The following ZNF385D variants were observed in gnomAD, a reference collection of about 807,000 sequenced individuals.
The protein encoded by ZNF385D is zinc finger protein 659.
ZNF385D carries 15 observed loss-of-function variants against 35.8 expected under a neutral mutation model. The observed-to-expected ratio is 0.42, with a 90% CI of 0.28 to 0.64. The LOEUF is 0.64. Among genes scored for constraint, ZNF385D ranks in the 30% least tolerant of loss-of-function variants. The probability of loss-of-function intolerance (pLI) is 0.23; values close to 1 mark genes in which losing one functional copy is unlikely to be tolerated. For missense variants in ZNF385D, 474 were observed against 494.6 expected, an observed-to-expected ratio of 0.96 and a Z score of 0.39; for synonymous variants, 212 against 186.8, an observed-to-expected ratio of 1.13 and a Z score of -1.10.
At chr3:21,928,739 A>C (rs1260998451) in intron 3 of ZNF385D, among the ~76,000 whole-genome samples, 1 of 152,190 alleles carries the variant, frequency 6.6e-6, no homozygotes, top group Non-Finnish European at 1.5e-5. Flanking sequence ...CATTTAGATA[A>C]AATGGACATA....
At chr3:21,702,218 C>T (rs7612616) in intron 1 of ZNF385D, among the ~76,000 whole-genome samples, 60,291 of 152,076 alleles carry the variant, frequency 0.4, 13,407 homozygotes, top group Middle Eastern at 0.53. Flanking sequence ...GAAATCTAGC[C>T]GGATTCCCAA....
At chr3:21,753,886 C>A (rs571127688), upstream of ZNF385D, among the ~76,000 whole-genome samples, 4 of 152,108 alleles carry the variant, frequency 2.6e-5, no homozygotes, top group Admixed American at 2.6e-4. Flanking sequence ...ATTCCTGTTT[C>A]TATAGAGTTT....
chr3:22,316,822 G>C (rs1703913921), intron 2 of ZNF385D, among the ~76,000 whole-genome samples: 1 of 152,194 alleles, frequency 6.6e-6, no homozygotes, highest in Non-Finnish European at 1.5e-5. Flanking sequence ...TTCAGAAAGT[G>C]ATACCCCAAA....
chr3:21,432,091 A>G (rs1701317779), intron 5 of ZNF385D, among the ~76,000 whole-genome samples: 1 of 152,134 alleles, frequency 6.6e-6, no homozygotes, highest in South Asian at 2.1e-4. Context: ...AGGCTCTAGA[A>G]TTGTGCGGGA....
chr3:22,005,990 C>A (rs1344953168), intron 3 of ZNF385D, among the ~76,000 whole-genome samples: 4 of 152,038 alleles, frequency 2.6e-5, no homozygotes, highest in African/African-American at 9.7e-5. Context: ...CTCTCTCTCA[C>A]TCTTGAATGT....
chr3:21,432,670 G>C (rs540031230), intron 5 of ZNF385D, among the ~76,000 whole-genome samples: 1 of 151,910 alleles, frequency 6.6e-6, no homozygotes, highest in African/African-American at 2.4e-5. Flanking sequence ...TAGCATATAG[G>C]TCAAGGGAAG....
At chr3:21,812,765 G>T (rs1192363183) in intron 3 of ZNF385D, among the ~76,000 whole-genome samples, 1 of 152,330 alleles carries the variant, frequency 6.6e-6, no homozygotes, top group East Asian at 1.9e-4. Context: ...CTCCACCTCT[G>T]GGGGCAGGGA....
chr3:22,367,118 T>C (rs1470610747), intron 2 of ZNF385D, among the ~76,000 whole-genome samples: 1 of 152,190 alleles, frequency 6.6e-6, no homozygotes, highest in Non-Finnish European at 1.5e-5. Context: ...AGAAAACTAA[T>C]ATATGATGAT....
chr3:21,847,651 T>G (rs1027545312), intron 3 of ZNF385D, among the ~76,000 whole-genome samples: 1 of 151,966 alleles, frequency 6.6e-6, no homozygotes, highest in Non-Finnish European at 1.5e-5. Flanking sequence ...TTGAGAAATT[T>G]TTTATATCCT....
chr3:21,926,664 G>T (rs563693272), intron 3 of ZNF385D, among the ~76,000 whole-genome samples: 1 of 152,228 alleles, frequency 6.6e-6, no homozygotes, highest in Admixed American at 6.5e-5. Flanking sequence ...ATGGATTAAA[G>T]ACTTAAATGT....
chr3:21,757,932 T>C (rs965242328), intron 3 of ZNF385D, among the ~76,000 whole-genome samples: 23 of 152,164 alleles, frequency 1.5e-4, no homozygotes, highest in Non-Finnish European at 2.8e-4. Flanking sequence ...AGTGAATAAA[T>C]CTATTGAAAG....
At chr3:22,205,521 A>C (rs1697089865) in intron 2 of ZNF385D, among the ~76,000 whole-genome samples, 3 of 152,064 alleles carry the variant, frequency 2.0e-5, no homozygotes, top group Admixed American at 6.6e-5. Context: ...GCATATCTTA[A>C]GCAGAAAGAT....
At chr3:21,986,378 C>T (rs1402786772) in intron 3 of ZNF385D, among the ~76,000 whole-genome samples, 4 of 103,006 alleles carry the variant, frequency 3.9e-5, no homozygotes, top group East Asian at 2.2e-4. Flanking sequence ...TCTTTGTTCT[C>T]GTTGGTTTCA....
At chr3:21,456,510 C>G (rs1401444677) in intron 4 of ZNF385D, among the ~76,000 whole-genome samples, 2 of 152,130 alleles carry the variant, frequency 1.3e-5, no homozygotes. Context: ...ACCGCATGTT[C>G]TCACTCATAG....
chr3:21,881,238 A>G (rs377386934), intron 3 of ZNF385D, among the ~76,000 whole-genome samples: 1 of 151,868 alleles, frequency 6.6e-6, no homozygotes, highest in South Asian at 2.1e-4. Flanking sequence ...CATAGCTCTA[A>G]GGAAGTTAGT....
At chr3:22,279,931 A>G (rs537539613) in intron 2 of ZNF385D, among the ~76,000 whole-genome samples, 2 of 152,142 alleles carry the variant, frequency 1.3e-5, no homozygotes, top group Admixed American at 6.6e-5. Context: ...TTTTCACCAC[A>G]TCCATGCCAA....
At chr3:21,820,831 G>A (rs2073365494) in intron 3 of ZNF385D, among the ~76,000 whole-genome samples, 1 of 150,676 alleles carries the variant, frequency 6.6e-6, no homozygotes, top group Admixed American at 6.6e-5. Flanking sequence ...ATAAGAACCA[G>A]AAGTCACCGA....
chr3:22,279,001 C>T (rs1701578280), intron 2 of ZNF385D, among the ~76,000 whole-genome samples: 1 of 152,006 alleles, frequency 6.6e-6, no homozygotes, highest in African/African-American at 2.4e-5. Flanking sequence ...TGGACCTAGC[C>T]CTTCTACATT....
At chr3:22,369,580 T>G (rs1472913848) in intron 2 of ZNF385D, among the ~76,000 whole-genome samples, 1 of 152,156 alleles carries the variant, frequency 6.6e-6, no homozygotes, top group Non-Finnish European at 1.5e-5. Flanking sequence ...TTATCGTTAA[T>G]TTCCCCAAGA....
Sources: gnomAD v4.1 joint callset for allele counts (sites outside exome capture counted in the v4.1 genomes callset) on GRCh38, gnomAD v4.1.1 for gene constraint, MANE v1.5 for transcripts, NCBI Gene and HGNC (gene_info 2026-07-23, HGNC 2026-07-21) for gene names.